CAMKMT: variants seen among roughly 807,000 people sequenced by gnomAD.
The protein encoded by CAMKMT is calmodulin-lysine N-methyltransferase.
In CAMKMT, 53 loss-of-function variants were observed where a neutral mutation model predicts 48.0. That is an observed-to-expected ratio of 1.10 (90% confidence interval 0.89 to 1.39). The LOEUF (loss-of-function observed/expected upper bound fraction) is 1.39, where lower values mean the gene tolerates loss of function less well. Ranked by LOEUF, CAMKMT falls within the 40% of genes most tolerant of loss-of-function variation. The pLI is 0.00. For missense variants in CAMKMT, 428 were observed against 402.7 expected (o/e 1.06, Z -0.54); for synonymous variants, 165 against 152.3 (o/e 1.08, Z -0.61).
At position 44,695,974 on chromosome 2, in the gene CAMKMT, A is replaced by G. The variant is rs182279159; in HGVS notation, c.377-8309A>G. ...ATTTTATTTTTTGAGACAGGGTCTCACTCTGTCACCCAGGCTGGAGTGGAG... is the reference window on the plus strand; with the variant it reads ...ATTTTATTTTTTGAGACAGGGTCTCGCTCTGTCACCCAGGCTGGAGTGGAG... On this transcript the variant is annotated intron_variant, in intron 3 of 10. Coordinates refer to ENST00000378494, the MANE Select transcript of CAMKMT (RefSeq NM_024766.5). 9.4e-3 allele frequency among the ~76,000 whole-genome samples: 1,435 copies of G among 152,046 alleles called. 16 individuals are homozygous for G. Among genetic ancestry groups the G allele is most frequent in the Admixed American group, 0.015 (235 of 15,272 alleles).
chr2:44,405,062 A>G (rs557465800), intron 3 of CAMKMT, among the ~76,000 whole-genome samples: 7 of 152,238 alleles, frequency 4.6e-5, no homozygotes, highest in African/African-American at 7.2e-5. Flanking sequence ...ATTGTAAAAA[A>G]TGAATGATAG....
chr2:44,686,228 C>G (rs1025694462), intron 3 of CAMKMT, among the ~76,000 whole-genome samples: 2 of 151,852 alleles, frequency 1.3e-5, no homozygotes, highest in Admixed American at 1.3e-4. Flanking sequence ...ACCGTATCTA[C>G]TAAAAATACA....
At chr2:44,434,573 A>G (rs1414304522) in intron 3 of CAMKMT, among the ~76,000 whole-genome samples, 3 of 152,190 alleles carry the variant, frequency 2.0e-5, no homozygotes, top group Non-Finnish European at 1.5e-5. Context: ...TTACTTGGCA[A>G]TGTCCTTAGC....
At chr2:44,368,646 C>T (rs1188272943) in intron 1 of CAMKMT, among the ~76,000 whole-genome samples, 3 of 152,156 alleles carry the variant, frequency 2.0e-5, no homozygotes, top group Non-Finnish European at 2.9e-5. Flanking sequence ...ATTACCTTGA[C>T]ATCAGAGTAC....
chr2:44,430,174 T>G (rs1684564654), intron 3 of CAMKMT, among the ~76,000 whole-genome samples: 1 of 152,060 alleles, frequency 6.6e-6, no homozygotes, highest in Non-Finnish European at 1.5e-5. Flanking sequence ...ATAACCTGCC[T>G]TGTAGTCTCT....
At chr2:44,641,554 A>T (rs143240789) in intron 3 of CAMKMT, among the ~76,000 whole-genome samples, 1 of 24,888 alleles carries the variant, frequency 4.0e-5, no homozygotes, top group Non-Finnish European at 1.2e-4. Context: ...ATGATATTTT[A>T]TATATATATA....
chr2:44,636,866 T>C (rs1235531671), intron 3 of CAMKMT, among the ~76,000 whole-genome samples: 2 of 152,204 alleles, frequency 1.3e-5, no homozygotes, highest in Non-Finnish European at 2.9e-5. Context: ...CTAAATACTG[T>C]AATTGCTTTG....
chr2:44,643,455 A>T (rs1217444165), intron 3 of CAMKMT, among the ~76,000 whole-genome samples: 1 of 152,234 alleles, frequency 6.6e-6, no homozygotes, highest in African/African-American at 2.4e-5. Context: ...AGAGAGGTCT[A>T]GATGGAGGAA....
At chr2:44,405,107 T>A (rs1403654227) in intron 3 of CAMKMT, among the ~76,000 whole-genome samples, 1 of 152,106 alleles carries the variant, frequency 6.6e-6, no homozygotes, top group Non-Finnish European at 1.5e-5. Context: ...ATCTCTATGT[T>A]TTTGTGTATA....
intron 7 of CAMKMT, among the ~76,000 whole-genome samples, chr2:44,739,157 C>T (rs1679525599): frequency 6.6e-6 from 1 of 152,188 alleles, no homozygotes; most frequent in East Asian, 1.9e-4. Flanking sequence ...TGATCTGATA[C>T]ATGTTTTAAA....
chr2:44,402,401 C>T (rs1282534871), intron 3 of CAMKMT, among the ~76,000 whole-genome samples: 2 of 150,070 alleles, frequency 1.3e-5, no homozygotes, highest in African/African-American at 4.9e-5. Flanking sequence ...TGTGTCATAG[C>T]TTCTAGAGTT....
intron 3 of CAMKMT, among the ~76,000 whole-genome samples, chr2:44,522,619 C>T (rs1008414683): frequency 1.3e-5 from 2 of 152,156 alleles, no homozygotes; most frequent in Admixed American, 1.3e-4. Flanking sequence ...GAGGGTTTTA[C>T]AGCCACACTC....
intron 9 of CAMKMT, among the ~76,000 whole-genome samples, chr2:44,764,250 C>T (rs1447714164): frequency 6.6e-6 from 1 of 152,154 alleles, no homozygotes; most frequent in Non-Finnish European, 1.5e-5. Flanking sequence ...AGTATGAAAA[C>T]ACACTTGATG....
At chr2:44,635,260 A>G (rs961002173) in intron 3 of CAMKMT, among the ~76,000 whole-genome samples, 2 of 152,192 alleles carry the variant, frequency 1.3e-5, no homozygotes, top group Non-Finnish European at 2.9e-5. Flanking sequence ...GGAATGGCCA[A>G]TAGAAGGCAG....
chr2:44,763,018 C>T (rs1475878048), intron 9 of CAMKMT, among the ~76,000 whole-genome samples: 5 of 152,172 alleles, frequency 3.3e-5, no homozygotes, highest in African/African-American at 7.2e-5. Context: ...CAGCTGAAAT[C>T]GTAAAGCATA....
intron 3 of CAMKMT, among the ~76,000 whole-genome samples, chr2:44,491,337 A>T (rs1397934018): frequency 6.6e-6 from 1 of 152,094 alleles, no homozygotes; most frequent in Admixed American, 6.5e-5. Context: ...TAAAATTGAA[A>T]GTTGTTCTGC....
At chr2:44,555,662 G>T (rs886536054) in intron 3 of CAMKMT, among the ~76,000 whole-genome samples, 3 of 152,138 alleles carry the variant, frequency 2.0e-5, no homozygotes, top group Non-Finnish European at 4.4e-5. Context: ...AATAAAGAAA[G>T]AATATAATAG....
chr2:44,442,807 T>C (rs1067350), intron 3 of CAMKMT, among the ~76,000 whole-genome samples: 118,655 of 152,180 alleles, frequency 0.78, 46,504 homozygotes, highest in South Asian at 0.88. Context: ...TCATCCCTCT[T>C]TCTGATGAGC....
chr2:44,415,117 C>T (rs893432989), intron 3 of CAMKMT, among the ~76,000 whole-genome samples: 2 of 152,150 alleles, frequency 1.3e-5, no homozygotes, highest in African/African-American at 4.8e-5. Flanking sequence ...CGCCACTGCA[C>T]TCCAGCCTGG....
Sources: allele counts gnomAD v4.1 joint callset (sites outside exome capture counted in the v4.1 genomes callset), GRCh38; gene constraint gnomAD v4.1.1; transcripts MANE v1.5; gene names NCBI Gene and HGNC (gene_info 2026-07-23, HGNC 2026-07-21).